PRPF6: variants seen among roughly 807,000 people sequenced by gnomAD.
PRPF6 encodes the protein pre-mRNA-processing factor 6.
In PRPF6, 42 loss-of-function variants were observed where a neutral mutation model predicts 118.3. The observed-to-expected ratio is 0.35, with a 90% confidence interval of 0.28 to 0.46. PRPF6 has a LOEUF of 0.46. Ranked by LOEUF, PRPF6 falls within the 20% of genes least tolerant of loss-of-function variation. The pLI is 1.00. For missense variants in PRPF6, 662 were observed against 1,255.7 expected (o/e 0.53, Z 7.15); for synonymous variants, 481 against 485.1 (o/e 0.99, Z 0.11).
At chr20:63,981,517 A>G (rs143413676) in intron 1 of PRPF6, among the ~76,000 whole-genome samples, 232 of 152,278 alleles carry the variant, frequency 1.5e-3, no homozygotes, top group African/African-American at 5.1e-3. Context: ...GATGTGACAC[A>G]TTGACTCTCA....
At chr20:63,981,651 C>CA (rs1302249422) in intron 1 of PRPF6, among the ~76,000 whole-genome samples, 1 of 144,078 alleles carries the variant, frequency 6.9e-6, no homozygotes, top group Middle Eastern at 3.3e-3. Context: ...ACTCCCCCCC[C>CA]CCGCCCGCCC....
chr20:63,983,006 A>G (rs910692528), intron 1 of PRPF6, 41 bp from the exon 2 acceptor site: 15 of 1,608,422 alleles, frequency 9.3e-6, no homozygotes, highest in Non-Finnish European at 1.0e-5. Flanking sequence ...GCACAGGAAC[A>G]GAGTTATTCA....
intron 9 of PRPF6, among the ~76,000 whole-genome samples, chr20:64,008,028 C>T (rs777943065): frequency 1.4e-4 from 21 of 152,324 alleles, no homozygotes; most frequent in African/African-American, 4.8e-4. Context: ...CTGCCCACTT[C>T]GACCTCCCAA....
chr20:64,033,079 G>T lies in PRPF6; in HGVS notation c.*86G>T, dbSNP rs2059323129. 1 of 1,580,532 alleles carries T rather than the reference G, an allele frequency of 6.3e-7. No homozygotes were observed. Among genetic ancestry groups the T allele is most frequent in the Non-Finnish European group, 8.6e-7 (1 of 1,158,672 alleles). ...TGAGCTGTGTCCTCCTTCATTAAAA[G>T]TTTTTATGTCTCGTGTCAGAACAGG... On this transcript the variant is annotated 3_prime_UTR_variant, in exon 21 of 21. Transcript: ENST00000266079.
chr20:63,985,029 A>G lies in PRPF6; in HGVS notation c.359+4A>G, dbSNP rs1167699511. On this transcript the variant is annotated splice_donor_region_variant and intron_variant, in intron 3 of 20. Coordinates refer to ENST00000266079, the MANE Select transcript of PRPF6 (RefSeq NM_012469.4). ...ATGAAAGAAGAAAAGAAAGACGGTA[A>G]AAGAAATTGTTGCCTTTCACAATAT... 1.9e-6 allele frequency: 3 copies of G among 1,609,758 alleles called. No individual in the cohort carries two copies. Among genetic ancestry groups the G allele is most frequent in the South Asian group, 1.1e-5 (1 of 91,002 alleles).
At chr20:64,015,501 G>A (rs979824914) in intron 11 of PRPF6, among the ~76,000 whole-genome samples, 21 of 152,228 alleles carry the variant, frequency 1.4e-4, no homozygotes, top group African/African-American at 4.8e-4. Context: ...GGTCCATGTC[G>A]TGGTCCCCCA....
intron 11 of PRPF6, among the ~76,000 whole-genome samples, chr20:64,016,010 C>T (rs1040897187): frequency 2.6e-5 from 4 of 152,068 alleles, no homozygotes; most frequent in Admixed American, 6.6e-5. Context: ...CTGTGCTACT[C>T]GGGAGGCTGA....
rs552995773 is a variant in PRPF6 at position 64,002,910 on chromosome 20, C to T, written c.1186+1671C>T. Among the ~76,000 whole-genome samples the T allele has an allele frequency of 1.7e-4, 26 of 151,024 alleles. No individual in the cohort carries two copies. The East Asian group carries it at 4.3e-3, about 25-fold the overall frequency. On this transcript the variant is annotated intron_variant, in intron 9 of 20. Transcript: ENST00000266079. ...CCACCCACCTCGACCTCCCAAAGTG[C>T]TGGGATTACAGGCGTGAGCCACTGT...
rs957741364 is a variant in PRPF6 at position 64,029,985 on chromosome 20, C to T, written c.2546+494C>T. ...TCACTGGGGACGCGTGTGATTCACA[C>T]TGGTGCGCTGGCCGCTGGGTCAGAG... On this transcript the variant is annotated intron_variant, in intron 19 of 20. Transcript: ENST00000266079. The surrounding 1 kb of genome is among the most constrained non-coding windows in gnomAD (Gnocchi z 4.8). Among the ~76,000 whole-genome samples, 1 of 152,208 alleles carries T rather than the reference C, an allele frequency of 6.6e-6. No individual in the cohort carries two copies. Among genetic ancestry groups the T allele is most frequent in the African/African-American group, 2.4e-5 (1 of 41,448 alleles).
intron 3 of PRPF6, among the ~76,000 whole-genome samples, chr20:63,991,220 T>C (rs1352568372): frequency 6.6e-6 from 1 of 151,886 alleles, no homozygotes; most frequent in African/African-American, 2.4e-5. Flanking sequence ...GTCTAGGAGT[T>C]CGAGACCAGC....
intron 1 of PRPF6, among the ~76,000 whole-genome samples, chr20:63,982,197 A>G (rs1216198557): frequency 2.0e-5 from 3 of 151,876 alleles, no homozygotes; most frequent in Non-Finnish European, 2.9e-5. Context: ...TTTTGAGACA[A>G]AGTCTTGTTC....
chr20:64,032,446 G>A (rs778267771), intron 20 of PRPF6, among the ~76,000 whole-genome samples: 13 of 150,956 alleles, frequency 8.6e-5, no homozygotes, highest in Non-Finnish European at 1.2e-4. Flanking sequence ...GCTCCCACCC[G>A]CCCCGCTAGA....
At chr20:63,995,546 CT>C (rs1424061108) in intron 6 of PRPF6, 64 bp downstream of exon 6, 1 of 1,584,200 alleles carries the variant, frequency 6.3e-7, no homozygotes, top group Non-Finnish European at 8.6e-7. Flanking sequence ...GTTTTGTTTT[CT>C]TTTTCTCCTT....
At position 64,026,245 on chromosome 20, in the gene PRPF6, G is replaced by A. The variant is rs1382037652; in HGVS notation, c.2028+187G>A. On this transcript the variant is annotated intron_variant, in intron 15 of 20. Transcript: ENST00000266079. This position sits in a 1 kb window ranked among gnomAD's most constrained non-coding sequence, Gnocchi z 4.4. The stretch of plus-strand genomic sequence containing the variant: ...GTGGTGGCCGGGCGCGGTGGCTCAC[G>A]CCTGTAATCTCAGCACTTTGGGAGG... Among the ~76,000 whole-genome samples the A allele has an allele frequency of 2.6e-5, 4 of 152,180 alleles. No homozygotes were observed. Among genetic ancestry groups the A allele is most frequent in the Non-Finnish European group, 5.9e-5 (4 of 68,030 alleles).
At chr20:63,985,106 G>A (rs751339313) in intron 3 of PRPF6, 81 bp downstream of exon 3, 26 of 1,125,226 alleles carry the variant, frequency 2.3e-5, no homozygotes, top group Non-Finnish European at 2.1e-5. Flanking sequence ...GCTCACGTGT[G>A]TAATCCTAGC....
Position 64,012,957 on chromosome 20 carries a change from C to CTTTTTTTTTTTTTTTTTT in PRPF6, c.1524+1456_1524+1473dup, listed in dbSNP as rs763243601. Among the ~76,000 whole-genome samples, 2 of 129,940 alleles carry CTTTTTTTTTTTTTTTTTT rather than the reference C, an allele frequency of 1.5e-5. 1 individual carries two copies. Among genetic ancestry groups the CTTTTTTTTTTTTTTTTTT allele is most frequent in the African/African-American group, 5.8e-5 (2 of 34,198 alleles). The allele number at this position is 129,940 out of a possible 152,430, so 85.2% of individuals were successfully genotyped here. A position where few individuals can be genotyped will look rare whatever the true frequency, so the allele number is the denominator to read the frequency against. ...TTACTCTTCCCCTCTCCCCCACACCCTTTTTTTTTTTTTTTTTTTGAGAGG... is the reference window on the plus strand; with the variant it reads ...TTACTCTTCCCCTCTCCCCCACACCCTTTTTTTTTTTTTTTTTTTTTTTTTTTTTTTTTTTTTGAGAGG... On this transcript the variant is annotated intron_variant, in intron 11 of 20. Coordinates refer to ENST00000266079, the MANE Select transcript of PRPF6 (RefSeq NM_012469.4).
Position 64,027,519 on chromosome 20 carries a change from C to A in PRPF6, c.2206-84C>A. On this transcript the variant is annotated intron_variant, in intron 16 of 20. Transcript: ENST00000266079. This position sits in a 1 kb window ranked among gnomAD's most constrained non-coding sequence, Gnocchi z 6.5. Reference sequence around the variant, plus strand: ...GGCAGCCCTGAGGGACTCGGTCACCCACTGCAGATGAGAAGCTGGGCATGG... The same window carrying A: ...GGCAGCCCTGAGGGACTCGGTCACCAACTGCAGATGAGAAGCTGGGCATGG... The A allele has an allele frequency of 6.3e-7, 1 of 1,586,418 alleles. No homozygotes were observed. The highest frequency in any genetic ancestry group is 8.7e-7 in the Non-Finnish European group (1 of 1,155,516).
At chr20:63,994,453 C>T (rs1290219045) in intron 4 of PRPF6, among the ~76,000 whole-genome samples, 4 of 152,194 alleles carry the variant, frequency 2.6e-5, no homozygotes, top group African/African-American at 9.6e-5. Context: ...CCACCGTGCC[C>T]GGCCTAAATT....
At chr20:64,007,486 A>C (rs1601521700) in intron 9 of PRPF6, among the ~76,000 whole-genome samples, 1 of 130,582 alleles carries the variant, frequency 7.7e-6, no homozygotes, top group African/African-American at 2.9e-5. Flanking sequence ...TTTGAGACTG[A>C]GTCTCCCTCT....
Sources: gnomAD v4.1 joint callset for allele counts (sites outside exome capture counted in the v4.1 genomes callset) on GRCh38, gnomAD v4.1.1 for gene constraint, Gnocchi (gnomAD v3.1) non-coding constraint, MANE v1.5 for transcripts, NCBI Gene and HGNC (gene_info 2026-07-23, HGNC 2026-07-21) for gene names.